The following VWA8 variants were observed in gnomAD, a reference collection of about 807,000 sequenced individuals.
The protein encoded by VWA8 is von Willebrand factor A domain containing 8.
A neutral mutation model predicts 241.5 loss-of-function variants in VWA8; 221 were observed. The observed-to-expected ratio is 0.91, with a 90% CI of 0.82 to 1.02. The LOEUF (loss-of-function observed/expected upper bound fraction) is 1.02, where lower values mean the gene tolerates loss of function less well. VWA8 is among the 50% of genes least tolerant of loss of function. The probability of loss-of-function intolerance (pLI) is 0.00; values close to 1 mark genes in which losing one functional copy is unlikely to be tolerated. For synonymous variants in VWA8, 852 were observed against 827.1 expected (o/e 1.03, Z -0.52); for missense variants, 2,322 against 2,328.7 (o/e 1.00, Z 0.06).
intron 27 of VWA8, among the ~76,000 whole-genome samples, chr13:41,702,677 G>C (rs2045258201): frequency 6.6e-6 from 1 of 152,198 alleles, no homozygotes; most frequent in African/African-American, 2.4e-5. Flanking sequence ...GGTTGCAACA[G>C]AATCTGTAGG....
In VWA8 at chr13:41,919,077, AACG is replaced by A. The variant is rs1163230280; in HGVS notation, c.242-6912_242-6910del. Among the ~76,000 whole-genome samples the A allele has an allele frequency of 5.3e-5, 8 of 152,200 alleles. No individual in the cohort carries two copies. The East Asian group carries it at 1.5e-3, about 29-fold the overall frequency. The stretch of plus-strand genomic sequence containing the variant: ...AAAAACCAAGCCAAACAAATGAAAA[AACG>A]ACATTTCCACCAAAATAAATAAAGG... On this transcript the variant is annotated intron_variant, in intron 2 of 44. Transcript: ENST00000379310.
intron 43 of VWA8, among the ~76,000 whole-genome samples, chr13:41,572,417 A>G (rs2044313746): frequency 6.6e-6 from 1 of 152,232 alleles, no homozygotes; most frequent in African/African-American, 2.4e-5. Flanking sequence ...AGAAAGAAGT[A>G]GACATGGGAG....
At chr13:41,633,051 C>T (rs1014558900) in intron 37 of VWA8, among the ~76,000 whole-genome samples, 3 of 152,004 alleles carry the variant, frequency 2.0e-5, no homozygotes, top group Admixed American at 1.3e-4. Flanking sequence ...GCGCTGGCTC[C>T]GATACAGAGT....
chr13:41,762,010 A>C (rs1644147990), intron 20 of VWA8, among the ~76,000 whole-genome samples: 1 of 152,178 alleles, frequency 6.6e-6, no homozygotes, highest in South Asian at 2.1e-4. Context: ...ACTCTTACTG[A>C]TTCTTATATG....
chr13:41,859,001 C>T (rs1397337001), intron 12 of VWA8, among the ~76,000 whole-genome samples: 1 of 151,530 alleles, frequency 6.6e-6, no homozygotes, highest in African/African-American at 2.4e-5. Context: ...GACTCAAGAA[C>T]ATACGTTTGA....
At chr13:41,897,855 C>A (rs1347213899) in intron 4 of VWA8, among the ~76,000 whole-genome samples, 1 of 152,170 alleles carries the variant, frequency 6.6e-6, no homozygotes, top group Admixed American at 6.5e-5. Flanking sequence ...CGGGTTGCCA[C>A]TGCTGGCTCC....
At chr13:41,901,494 T>C (rs1416816279) in intron 4 of VWA8, among the ~76,000 whole-genome samples, 2 of 152,182 alleles carry the variant, frequency 1.3e-5, no homozygotes, top group Non-Finnish European at 2.9e-5. Flanking sequence ...TAGCACAACG[T>C]AGGTCTCCCA....
chr13:41,582,655 T>A (rs1273267789), intron 42 of VWA8, among the ~76,000 whole-genome samples: 1 of 152,220 alleles, frequency 6.6e-6, no homozygotes, highest in African/African-American at 2.4e-5. Context: ...ATTAAATCCT[T>A]TTGTTAGTTA....
intron 38 of VWA8, among the ~76,000 whole-genome samples, chr13:41,614,078 T>C (rs2044606133): frequency 6.6e-6 from 1 of 152,252 alleles, no homozygotes; most frequent in African/African-American, 2.4e-5. Context: ...TCTTGTTGGC[T>C]TGACGCTAAC....
At chr13:41,739,927 T>G (rs1234798857) in intron 21 of VWA8, among the ~76,000 whole-genome samples, 1 of 144,858 alleles carries the variant, frequency 6.9e-6, no homozygotes, top group African/African-American at 2.5e-5. Context: ...CAATCTCAGC[T>G]CACTGCAAGC....
intron 28 of VWA8, 35 bp from the exon 29 acceptor site, chr13:41,699,305 G>A: frequency 6.2e-7 from 1 of 1,605,998 alleles, no homozygotes; most frequent in Non-Finnish European, 8.5e-7. Context: ...TTTGTGGCTG[G>A]CAACCAATTC....
chr13:41,739,848 G>GTTTTTTTTTTTTTTTTTTTTTTTTT (rs1179107917), intron 21 of VWA8, among the ~76,000 whole-genome samples: 1 of 50,896 alleles, frequency 2.0e-5, no homozygotes, highest in Non-Finnish European at 4.4e-5. Flanking sequence ...TGTTTTTTTT[G>GTTTTTTTTTTTTTTTTTTTTTTTTT]TTTTTTTTGT....
chr13:41,959,510 A>C (rs1200365381), intron 1 of VWA8, among the ~76,000 whole-genome samples: 5 of 149,960 alleles, frequency 3.3e-5, no homozygotes, highest in Admixed American at 6.6e-5. Context: ...AAAAAAAAAA[A>C]CAAAAAGTAA....
At chr13:41,881,601 G>A (rs1278517571) in intron 9 of VWA8, among the ~76,000 whole-genome samples, 50 of 150,354 alleles carry the variant, frequency 3.3e-4, no homozygotes, top group Non-Finnish European at 1.3e-4. Flanking sequence ...ACGGGGTGGT[G>A]GCCAGGCAGA....
chr13:41,694,704 T>C (rs2045203857), intron 29 of VWA8, among the ~76,000 whole-genome samples: 1 of 152,112 alleles, frequency 6.6e-6, no homozygotes, highest in African/African-American at 2.4e-5. Context: ...TGGGATAATA[T>C]TAGCCTTTGT....
At chr13:41,606,130 C>T (rs1006306187) in intron 39 of VWA8, among the ~76,000 whole-genome samples, 1 of 152,104 alleles carries the variant, frequency 6.6e-6, no homozygotes. Flanking sequence ...CTTCTGTGCT[C>T]TTATCTCACT....
chr13:41,831,441 T>C (rs577190262), intron 13 of VWA8, among the ~76,000 whole-genome samples: 2 of 152,272 alleles, frequency 1.3e-5, no homozygotes, highest in African/African-American at 4.8e-5. Flanking sequence ...CAGTCACAAC[T>C]TCACAATATT....
chr13:41,653,392 G>A (rs1402972176), intron 37 of VWA8, among the ~76,000 whole-genome samples: 1 of 152,120 alleles, frequency 6.6e-6, no homozygotes, highest in African/African-American at 2.4e-5. Context: ...ACAAAATACT[G>A]CTGAAAGAAA....
At chr13:41,591,248 A>T (rs189005931) in intron 40 of VWA8, among the ~76,000 whole-genome samples, 5 of 152,332 alleles carry the variant, frequency 3.3e-5, no homozygotes, top group South Asian at 4.1e-4. Context: ...TAGTATGTGA[A>T]CATTTTGTAC....
Sources: gnomAD v4.1 joint callset for allele counts (sites outside exome capture counted in the v4.1 genomes callset) on GRCh38, gnomAD v4.1.1 for gene constraint, MANE v1.5 for transcripts, NCBI Gene and HGNC (gene_info 2026-07-23, HGNC 2026-07-21) for gene names.